C3orf20: variants seen among roughly 807,000 people sequenced by gnomAD.
C3orf20 encodes uncharacterized protein C3orf20.
A neutral mutation model predicts 88.3 loss-of-function variants in C3orf20; 76 were observed. That is an observed-to-expected ratio of 0.86 (90% CI 0.72 to 1.04). C3orf20 has a LOEUF of 1.04. C3orf20 is among the 50% of genes least tolerant of loss of function. The pLI, the probability that C3orf20 is intolerant of heterozygous loss-of-function variation, is 0.00. For missense variants in C3orf20, 1,056 were observed against 1,123.3 expected, an observed-to-expected ratio of 0.94 and a Z score of 0.86; for synonymous variants, 436 against 437.4, an observed-to-expected ratio of 1.00 and a Z score of 0.04.
At chr3:14,742,442 A>G (rs1559434609) in intron 12 of C3orf20, among the ~76,000 whole-genome samples, 1 of 152,192 alleles carries the variant, frequency 6.6e-6, no homozygotes, top group African/African-American at 2.4e-5. Flanking sequence ...AGACCCCAGA[A>G]TCCAGTCAGA....
intron 9 of C3orf20, among the ~76,000 whole-genome samples, chr3:14,720,570 GTTGTTGTTGTTGTTT>G (rs2034120136): frequency 7.4e-6 from 1 of 134,866 alleles, no homozygotes; most frequent in African/African-American, 2.6e-5. Context: ...TGTTGTTGTT[GTTGTTGTTGTTGTTT>G]TTGGTTCAGA....
chr3:14,765,794 A>G (rs867732724), intron 15 of C3orf20, among the ~76,000 whole-genome samples: 6 of 152,216 alleles, frequency 3.9e-5, no homozygotes, highest in African/African-American at 9.6e-5. Context: ...AGAGTTCTCA[A>G]TGTGGGCCTG....
chr3:14,747,673 A>T (rs188276282), intron 12 of C3orf20, among the ~76,000 whole-genome samples: 94 of 152,290 alleles, frequency 6.2e-4, no homozygotes, highest in Non-Finnish European at 9.7e-4. Context: ...AGACAATCAG[A>T]GTAAGGCAAT....
intron 12 of C3orf20, among the ~76,000 whole-genome samples, chr3:14,755,767 C>T (rs1405473888): frequency 2.6e-5 from 4 of 152,176 alleles, no homozygotes; most frequent in African/African-American, 7.2e-5. Flanking sequence ...CGGCGGCTCA[C>T]GCCTGTAATC....
chr3:14,681,070 A>G (rs183290857), intron 1 of C3orf20, among the ~76,000 whole-genome samples: 1 of 152,354 alleles, frequency 6.6e-6, no homozygotes, highest in Non-Finnish European at 1.5e-5. Flanking sequence ...TTATTGATAG[A>G]TGGACAGAGG....
chr3:14,684,434 G>A (rs370955425), intron 4 of C3orf20, 52 bp downstream of exon 4: 2 of 1,578,742 alleles, frequency 1.3e-6, no homozygotes, highest in Non-Finnish European at 8.6e-7. Context: ...AATATCAGCA[G>A]GAATGCAATG....
intron 7 of C3orf20, among the ~76,000 whole-genome samples, chr3:14,706,935 TG>T (rs1429248031): frequency 2.6e-5 from 4 of 152,060 alleles, no homozygotes; most frequent in South Asian, 2.1e-4. Flanking sequence ...TAGATATTGC[TG>T]GTCAAGCTCT....
chr3:14,726,815 C>T (rs1355677254), intron 10 of C3orf20, 86 bp from the exon 11 acceptor site: 1 of 1,581,384 alleles, frequency 6.3e-7, no homozygotes, highest in South Asian at 1.2e-5. Context: ...ATCCTCTGAA[C>T]CGGAGCAAGT....
At chr3:14,738,654 A>ATTTTTTTTTTTTTT in intron 12 of C3orf20, among the ~76,000 whole-genome samples, 1 of 36,056 alleles carries the variant, frequency 2.8e-5, no homozygotes, top group Non-Finnish European at 5.0e-5. Context: ...TTTTTTTTTG[A>ATTTTTTTTTTTTTT]CAGAGTTTCT....
chr3:14,718,574 A>C (rs2034025530), intron 9 of C3orf20, among the ~76,000 whole-genome samples: 1 of 152,218 alleles, frequency 6.6e-6, no homozygotes, highest in Admixed American at 6.5e-5. Flanking sequence ...CTTTGAAAAC[A>C]GCTCACACTT....
chr3:14,721,590 C>G lies in C3orf20; in HGVS notation c.1435-63C>G, dbSNP rs2034161438. 3 of 1,592,670 alleles carry G rather than the reference C, an allele frequency of 1.9e-6. No homozygotes were observed. The East Asian group carries it at 6.7e-5, about 36-fold the overall frequency. ...AGGGGCTTTGTGCTTCGTGGTGGGT[C>G]AGGAAGGGGTGGCTGGGGCCGTTGA... On this transcript the variant is annotated intron_variant, in intron 9 of 16. Coordinates refer to ENST00000253697, the MANE Select transcript of C3orf20 (RefSeq NM_032137.5).
At chr3:14,738,164 C>CTTTTT (rs35948176) in intron 12 of C3orf20, among the ~76,000 whole-genome samples, 14 of 107,336 alleles carry the variant, frequency 1.3e-4, no homozygotes, top group African/African-American at 4.3e-4. Flanking sequence ...ACAAATATTC[C>CTTTTT]TTTTTTTTTT....
At chr3:14,765,818 C>T (rs910620731) in intron 15 of C3orf20, among the ~76,000 whole-genome samples, 9 of 152,176 alleles carry the variant, frequency 5.9e-5, no homozygotes, top group East Asian at 1.9e-4. Flanking sequence ...TCTGTGAAGC[C>T]GCCATGGAGA....
chr3:14,712,298 AC>A (rs1352457805), intron 7 of C3orf20, among the ~76,000 whole-genome samples: 1 of 152,062 alleles, frequency 6.6e-6, no homozygotes, highest in Non-Finnish European at 1.5e-5. Context: ...TCTGGCAACC[AC>A]CAGAAACTAC....
At chr3:14,738,072 C>A (rs6770439) in intron 12 of C3orf20, among the ~76,000 whole-genome samples, 9,158 of 152,062 alleles carry the variant, frequency 0.06, 522 homozygotes, top group African/African-American at 0.15. Context: ...GAGTCTTGAA[C>A]TCCTCAGAGT....
chr3:14,687,310 A>T lies in C3orf20; in HGVS notation c.626-2687A>T, dbSNP rs188945687. Among the ~76,000 whole-genome samples the T allele has an allele frequency of 3.6e-3, 552 of 152,376 alleles. 5 individuals carry two copies. The highest frequency in any genetic ancestry group is 4.2e-3 in the Non-Finnish European group (288 of 68,034). ...CAACTAATTTTTTAAAATACAAGAT[A>T]AAATGTTATTTTCATAAATTTTGGC... On this transcript the variant is annotated intron_variant, in intron 4 of 16. Transcript: ENST00000253697.
At chr3:14,735,328 GAA>G (rs2034671891) in intron 12 of C3orf20, among the ~76,000 whole-genome samples, 1 of 151,412 alleles carries the variant, frequency 6.6e-6, no homozygotes, top group Admixed American at 6.6e-5. Context: ...GTGTATTAAT[GAA>G]AGTTTTTTTT....
At chr3:14,741,268 T>C (rs2125009411) in intron 12 of C3orf20, among the ~76,000 whole-genome samples, 1 of 152,324 alleles carries the variant, frequency 6.6e-6, no homozygotes, top group Non-Finnish European at 1.5e-5. Flanking sequence ...CAAGGTTGTT[T>C]ATCAGAGTCT....
intron 12 of C3orf20, among the ~76,000 whole-genome samples, chr3:14,729,291 T>A (rs1243016629): frequency 3.3e-5 from 5 of 151,944 alleles, no homozygotes; most frequent in Non-Finnish European, 5.9e-5. Context: ...GAAACCCAGA[T>A]GCAAAGGATG....
Sources: gnomAD v4.1 joint callset for allele counts (sites outside exome capture counted in the v4.1 genomes callset) on GRCh38, gnomAD v4.1.1 for gene constraint, MANE v1.5 for transcripts, NCBI Gene and HGNC (gene_info 2026-07-23, HGNC 2026-07-21) for gene names.